ITGBL1: variants seen among roughly 807,000 people sequenced by gnomAD.
The protein encoded by ITGBL1 is integrin beta-like protein 1.
ITGBL1 carries 51 observed loss-of-function variants against 68.5 expected under a neutral mutation model. The ratio of observed to expected loss-of-function variants is 0.74; its 90% CI spans 0.59 to 0.94. The LOEUF (loss-of-function observed/expected upper bound fraction) is 0.94. Among genes scored for constraint, ITGBL1 ranks in the 40% least tolerant of loss-of-function variants. The probability of loss-of-function intolerance (pLI) is 0.00; values close to 1 mark genes in which losing one functional copy is unlikely to be tolerated. For missense variants in ITGBL1, 649 were observed against 647.4 expected, an observed-to-expected ratio of 1.00 and a Z score of -0.03; for synonymous variants, 209 against 227.3, an observed-to-expected ratio of 0.92 and a Z score of 0.72.
chr13:101,689,282 T>C (rs1008910391), intron 7 of ITGBL1, among the ~76,000 whole-genome samples: 2 of 149,400 alleles, frequency 1.3e-5, no homozygotes, highest in African/African-American at 4.9e-5. Flanking sequence ...ATTTGTGAAA[T>C]TGTGTGAGTA....
At chr13:101,563,745 C>T (rs1466498883) in intron 2 of ITGBL1, among the ~76,000 whole-genome samples, 1 of 151,860 alleles carries the variant, frequency 6.6e-6, no homozygotes, top group Non-Finnish European at 1.5e-5. Context: ...TGATTCTATA[C>T]TACCTCTTCC....
At chr13:101,654,980 A>G (rs888232218) in intron 7 of ITGBL1, among the ~76,000 whole-genome samples, 3 of 152,182 alleles carry the variant, frequency 2.0e-5, no homozygotes, top group Admixed American at 6.5e-5. Context: ...CTTGGTGATG[A>G]CAGATTAAAT....
At chr13:101,541,691 T>C (rs1043132809) in intron 2 of ITGBL1, among the ~76,000 whole-genome samples, 8 of 152,168 alleles carry the variant, frequency 5.3e-5, no homozygotes, top group Admixed American at 5.2e-4. Flanking sequence ...TCCTGGACTT[T>C]TTTTTGGTTG....
intron 7 of ITGBL1, among the ~76,000 whole-genome samples, chr13:101,657,434 A>G (rs1417408278): frequency 6.6e-6 from 1 of 151,914 alleles, no homozygotes; most frequent in Non-Finnish European, 1.5e-5. Context: ...ATTCCACTTG[A>G]CTCCTCAAGT....
At chr13:101,650,473 A>G (rs965858381) in intron 7 of ITGBL1, among the ~76,000 whole-genome samples, 55 of 152,168 alleles carry the variant, frequency 3.6e-4, no homozygotes, top group Admixed American at 1.0e-3. Context: ...CATTCATGGT[A>G]ATTGAAAATA....
At chr13:101,621,536 C>A (rs374658199) in intron 7 of ITGBL1, among the ~76,000 whole-genome samples, 1 of 152,020 alleles carries the variant, frequency 6.6e-6, no homozygotes, top group Non-Finnish European at 1.5e-5. Context: ...GAAACTAACC[C>A]ACCCAGATTG....
At chr13:101,674,535 G>C (rs1349246102) in intron 7 of ITGBL1, among the ~76,000 whole-genome samples, 1 of 152,016 alleles carries the variant, frequency 6.6e-6, no homozygotes, top group African/African-American at 2.4e-5. Context: ...AAATAAGGAA[G>C]TTACTTTCTA....
intron 2 of ITGBL1, among the ~76,000 whole-genome samples, chr13:101,513,473 A>G (rs188358544): frequency 1.8e-3 from 268 of 152,248 alleles, no homozygotes; most frequent in Middle Eastern, 3.4e-3. Flanking sequence ...AAATTATTAC[A>G]TGGTGCCAAA....
chr13:101,509,759 C>T (rs1337225062), intron 2 of ITGBL1, among the ~76,000 whole-genome samples: 2 of 151,970 alleles, frequency 1.3e-5, no homozygotes, highest in Non-Finnish European at 2.9e-5. Context: ...TCCCATAGTC[C>T]CTTTAAAGTT....
chr13:101,534,167 AAT>A (rs547863805), intron 2 of ITGBL1, among the ~76,000 whole-genome samples: 172 of 152,324 alleles, frequency 1.1e-3, no homozygotes, highest in Middle Eastern at 0.01. Flanking sequence ...CGTTGAAAAG[AAT>A]AGGTTCAGGG....
chr13:101,604,946 GTGTA>G (rs2030642569), intron 7 of ITGBL1, among the ~76,000 whole-genome samples: 2 of 4,230 alleles, frequency 4.7e-4, no homozygotes, highest in East Asian at 0.17. Flanking sequence ...ATGTATATAT[GTGTA>G]CATGTGTATA....
rs2050208670 is a variant in ITGBL1 at position 101,567,939 on chromosome 13, A to T, written c.463+94A>T. 4 of 951,388 alleles carry T rather than the reference A, an allele frequency of 4.2e-6. No individual in the cohort carries two copies. The African/African-American group carries it at 5.0e-5, about 12-fold the overall frequency. The allele number at this position is 951,388 out of a possible 1,614,324, so 58.9% of individuals were successfully genotyped here. ...GGCGTGGAGAAATGTTGAATCTCAG[A>T]GTGAGTCTGCTTTTGAGTATGTTTT... On this transcript the variant is annotated intron_variant, in intron 3 of 10. Transcript: ENST00000376180.
intron 2 of ITGBL1, among the ~76,000 whole-genome samples, chr13:101,493,841 A>G (rs537607517): frequency 5.9e-5 from 9 of 152,350 alleles, no homozygotes; most frequent in Admixed American, 3.3e-4. Flanking sequence ...TTTCAAGGTT[A>G]TAGGAAACTT....
At chr13:101,596,805 A>C (rs1353106773) in intron 6 of ITGBL1, among the ~76,000 whole-genome samples, 2 of 152,190 alleles carry the variant, frequency 1.3e-5, no homozygotes, top group Non-Finnish European at 2.9e-5. Flanking sequence ...ACCAACTGAA[A>C]AAAAAACTGA....
chr13:101,700,508 A>C (rs568830903), intron 8 of ITGBL1, among the ~76,000 whole-genome samples: 39 of 152,184 alleles, frequency 2.6e-4, no homozygotes, highest in Non-Finnish European at 4.0e-4. Context: ...AACATACCTT[A>C]ATCTGTCCCA....
At chr13:101,690,508 A>G (rs906718598) in intron 7 of ITGBL1, among the ~76,000 whole-genome samples, 3 of 152,128 alleles carry the variant, frequency 2.0e-5, no homozygotes, top group Admixed American at 1.3e-4. Flanking sequence ...GGCTTCCCAC[A>G]TCTGTGTGTG....
At chr13:101,516,670 G>A (rs555469200) in intron 2 of ITGBL1, among the ~76,000 whole-genome samples, 1 of 152,228 alleles carries the variant, frequency 6.6e-6, no homozygotes, top group South Asian at 2.1e-4. Flanking sequence ...GAATTAACAA[G>A]CAAGGCAAAT....
intron 3 of ITGBL1, among the ~76,000 whole-genome samples, chr13:101,568,205 A>C (rs566997186): frequency 6.6e-6 from 1 of 152,242 alleles, no homozygotes; most frequent in South Asian, 2.1e-4. Context: ...GGGTGCTTTG[A>C]ATTTTTACCT....
intron 3 of ITGBL1, among the ~76,000 whole-genome samples, chr13:101,573,202 CA>C (rs2050301209): frequency 6.6e-6 from 1 of 151,928 alleles, no homozygotes; most frequent in African/African-American, 2.4e-5. Flanking sequence ...AATTAGAGAA[CA>C]AAAACTAGAT....
Sources: gnomAD v4.1 joint callset for allele counts (sites outside exome capture counted in the v4.1 genomes callset) on GRCh38, gnomAD v4.1.1 for gene constraint, MANE v1.5 for transcripts, NCBI Gene and HGNC (gene_info 2026-07-23, HGNC 2026-07-21) for gene names.